The following TXNDC16 variants were observed in gnomAD, a reference collection of about 807,000 sequenced individuals.
TXNDC16 encodes the protein thioredoxin domain containing 16.
TXNDC16 carries 74 observed loss-of-function variants against 85.6 expected under a neutral mutation model. That is an observed-to-expected ratio of 0.86 (90% CI 0.72 to 1.05). TXNDC16 has a LOEUF of 1.05. TXNDC16 is among the 50% of genes least tolerant of loss of function. The pLI, the probability that TXNDC16 is intolerant of heterozygous loss-of-function variation, is 0.00. For missense variants in TXNDC16, 959 were observed against 947.0 expected (o/e 1.01, Z -0.17); for synonymous variants, 335 against 326.5 (o/e 1.03, Z -0.28).
intron 16 of TXNDC16, among the ~76,000 whole-genome samples, chr14:52,461,968 A>C (rs2035662078): frequency 6.6e-6 from 1 of 152,250 alleles, no homozygotes; most frequent in Non-Finnish European, 1.5e-5. Context: ...AGACAGCATA[A>C]ACCTGTCTGA....
chr14:52,434,414 C>G (rs2034980639), intron 20 of TXNDC16, among the ~76,000 whole-genome samples: 1 of 152,122 alleles, frequency 6.6e-6, no homozygotes, highest in Non-Finnish European at 1.5e-5. Context: ...ATACATTATT[C>G]ATCAAATCAG....
At chr14:52,547,330 G>C (rs1012375193) in intron 1 of TXNDC16, among the ~76,000 whole-genome samples, 1 of 152,158 alleles carries the variant, frequency 6.6e-6, no homozygotes, top group Non-Finnish European at 1.5e-5. Flanking sequence ...GGCATGTGCA[G>C]AGTAAAAAGT....
At chr14:52,437,955 A>C (rs2035069614) in intron 20 of TXNDC16, among the ~76,000 whole-genome samples, 1 of 152,212 alleles carries the variant, frequency 6.6e-6, no homozygotes, top group South Asian at 2.1e-4. Context: ...AGCCTTGTAC[A>C]CTTTGTGGGG....
At chr14:52,451,096 T>C (rs766151167) in intron 18 of TXNDC16, among the ~76,000 whole-genome samples, 3 of 151,622 alleles carry the variant, frequency 2.0e-5, no homozygotes, top group Non-Finnish European at 4.4e-5. Context: ...AAGAATGAAA[T>C]AATGGGCATT....
At chr14:52,481,015 C>T (rs957010475) in intron 14 of TXNDC16, among the ~76,000 whole-genome samples, 1 of 146,614 alleles carries the variant, frequency 6.8e-6, no homozygotes, top group Admixed American at 6.8e-5. Flanking sequence ...GAATACTACT[C>T]AGCCACAAAA....
At chr14:52,452,419 C>G (rs1333546084) in intron 18 of TXNDC16, among the ~76,000 whole-genome samples, 1 of 152,120 alleles carries the variant, frequency 6.6e-6, no homozygotes, top group Non-Finnish European at 1.5e-5. Context: ...ATCACATTAC[C>G]TGACATCAAA....
At chr14:52,546,151 G>C (rs1453204220) in intron 1 of TXNDC16, among the ~76,000 whole-genome samples, 1 of 152,010 alleles carries the variant, frequency 6.6e-6, no homozygotes, top group Non-Finnish European at 1.5e-5. Context: ...GCCATGCATG[G>C]TGGCACACAC....
Position 52,488,370 on chromosome 14 carries a change from T to C in TXNDC16, c.1101A>G (p.Pro367=). The C allele has an allele frequency of 6.2e-7, 1 of 1,613,566 alleles. No homozygotes were observed. The highest frequency in any genetic ancestry group is 8.5e-7 in the Non-Finnish European group (1 of 1,179,662). Residue 367 remains proline (P), a synonymous_variant, in exon 12 of 21, where the codon CCA becomes CCG. Coordinates refer to ENST00000281741, the MANE Select transcript of TXNDC16 (RefSeq NM_020784.3). ...AGAATCATAACACATTACCTATATCTGGACCTTCCATGTCATTGTCTTCAT... is the reference window on the plus strand; with the variant it reads ...AGAATCATAACACATTACCTATATCCGGACCTTCCATGTCATTGTCTTCAT... ...QEDEDNDMEG[P]DIDVQDDEVA...
At chr14:52,456,651 C>G (rs1006340366) in intron 17 of TXNDC16, among the ~76,000 whole-genome samples, 1 of 152,104 alleles carries the variant, frequency 6.6e-6, no homozygotes, top group Non-Finnish European at 1.5e-5. Context: ...TTTTGGTAGT[C>G]CATAGAAGTC....
At chr14:52,455,578 G>A in intron 17 of TXNDC16, 116 bp from the exon 18 acceptor site, 3 of 1,155,408 alleles carry the variant, frequency 2.6e-6, no homozygotes, top group Non-Finnish European at 3.6e-6. Context: ...TACTGCTAAG[G>A]AAAAAAATGA....
chr14:52,453,697 C>A (rs2035463924), intron 18 of TXNDC16, among the ~76,000 whole-genome samples: 1 of 151,982 alleles, frequency 6.6e-6, no homozygotes, highest in African/African-American at 2.4e-5. Flanking sequence ...TGGAAGAGGA[C>A]TATTGAAAAA....
At chr14:52,530,667 T>C (rs542000821) in intron 6 of TXNDC16, among the ~76,000 whole-genome samples, 3 of 127,128 alleles carry the variant, frequency 2.4e-5, no homozygotes, top group Non-Finnish European at 4.8e-5. Context: ...TATATGTGTA[T>C]ATATGTTACA....
At chr14:52,454,884 A>ATAATAT (rs1399727143) in intron 18 of TXNDC16, among the ~76,000 whole-genome samples, 7 of 152,202 alleles carry the variant, frequency 4.6e-5, no homozygotes, top group Admixed American at 2.6e-4. Context: ...ATATACACAA[A>ATAATAT]GCACTATCAA....
At chr14:52,527,366 A>G (rs1185468946) in intron 6 of TXNDC16, among the ~76,000 whole-genome samples, 1 of 152,210 alleles carries the variant, frequency 6.6e-6, no homozygotes, top group African/African-American at 2.4e-5. Flanking sequence ...TGGTGTGTGG[A>G]GAAGACTCCT....
intron 14 of TXNDC16, among the ~76,000 whole-genome samples, chr14:52,475,118 T>G (rs2035991153): frequency 6.6e-6 from 1 of 152,116 alleles, no homozygotes; most frequent in Non-Finnish European, 1.5e-5. Flanking sequence ...TTTAGAGAGC[T>G]GAGCGAAAGC....
At chr14:52,542,145 A>C (rs1043302532) in intron 4 of TXNDC16, among the ~76,000 whole-genome samples, 1 of 152,208 alleles carries the variant, frequency 6.6e-6, no homozygotes, top group Non-Finnish European at 1.5e-5. Flanking sequence ...ATAAAGTTAA[A>C]TTCTAAGCTA....
chr14:52,523,889 T>C (rs2037267176), intron 6 of TXNDC16, among the ~76,000 whole-genome samples: 1 of 152,212 alleles, frequency 6.6e-6, no homozygotes, highest in Non-Finnish European at 1.5e-5. Flanking sequence ...GCACCTAATA[T>C]ATGTCATGTA....
At chr14:52,538,056 T>C (rs933813901) in intron 4 of TXNDC16, among the ~76,000 whole-genome samples, 14 of 152,318 alleles carry the variant, frequency 9.2e-5, no homozygotes, top group African/African-American at 3.1e-4. Context: ...CCAAAATCCA[T>C]CCTTCCCTTT....
intron 1 of TXNDC16, among the ~76,000 whole-genome samples, chr14:52,549,197 T>C (rs908359914): frequency 2.6e-5 from 4 of 152,246 alleles, no homozygotes; most frequent in African/African-American, 9.6e-5. Flanking sequence ...ATAATGGTCC[T>C]GCTGGCATGG....
Sources: allele counts gnomAD v4.1 joint callset (sites outside exome capture counted in the v4.1 genomes callset), GRCh38; gene constraint gnomAD v4.1.1; transcripts MANE v1.5; gene names NCBI Gene and HGNC (gene_info 2026-07-23, HGNC 2026-07-21).